Variants in EPS8 observed in about 807,000 individuals in gnomAD.
EPS8 encodes the protein EGFR pathway substrate 8, signaling adaptor, also known as epidermal growth factor receptor kinase substrate 8.
EPS8 carries 42 observed loss-of-function variants against 103.8 expected under a neutral mutation model. The observed-to-expected ratio is 0.40, with a 90% CI of 0.32 to 0.52. The LOEUF (loss-of-function observed/expected upper bound fraction) is 0.52. EPS8 is among the 20% of genes least tolerant of loss of function. The probability of loss-of-function intolerance (pLI) is 0.40; values close to 1 mark genes in which losing one functional copy is unlikely to be tolerated. For synonymous variants in EPS8, 344 were observed against 344.6 expected (o/e 1.00, Z 0.02); for missense variants, 969 against 1,005.1 (o/e 0.96, Z 0.49).
Position 15,777,059 on chromosome 12 carries a change from AGAAAAGAT to A in EPS8, c.-22+12094_-22+12101del, listed in dbSNP as rs1430723532. ...CTATTCTACTAACTGCCTGGCAGAG[AGAAAAGAT>A]GAAAATAGCTAGAGATAACAGATAT... On this transcript the variant is annotated intron_variant, in intron 1 of 20. Transcript: ENST00000281172. The surrounding 1 kb of genome is among the most constrained non-coding windows in gnomAD (Gnocchi z 4.7). 2.0e-5 allele frequency among the ~76,000 whole-genome samples: 3 copies of A among 152,226 alleles called. No individual in the cohort carries two copies. Among genetic ancestry groups the A allele is most frequent in the African/African-American group, 7.2e-5 (3 of 41,464 alleles).
chr12:15,764,877 A>G lies in EPS8; in HGVS notation c.-22+24284T>C, dbSNP rs1005124089. ...AATAAAAAAACAAGTAGTATCTACA[A>G]CCATTAAAACTAAACATTATCAATG... On this transcript the variant is annotated intron_variant, in intron 1 of 20. Coordinates refer to ENST00000281172, the MANE Select transcript of EPS8 (RefSeq NM_004447.6). This position sits in a 1 kb window ranked among gnomAD's most constrained non-coding sequence, Gnocchi z 4.1. Among the ~76,000 whole-genome samples, 1 of 152,244 alleles carries G rather than the reference A, an allele frequency of 6.6e-6. No homozygotes were observed. Among genetic ancestry groups the G allele is most frequent in the African/African-American group, 2.4e-5 (1 of 41,468 alleles).
rs1213227361 is a variant in EPS8 at position 15,745,243 on chromosome 12, C to T, written c.-22+43918G>A. ...ATGAGTATAAAAGAACACTTTACAA[C>T]CTAACTGCTTATTATAGACTAAGTT... On this transcript the variant is annotated intron_variant, in intron 1 of 20. Coordinates refer to ENST00000281172, the MANE Select transcript of EPS8 (RefSeq NM_004447.6). The surrounding 1 kb of genome is among the most constrained non-coding windows in gnomAD (Gnocchi z 4.6). Among the ~76,000 whole-genome samples, 2 of 152,170 alleles carry T rather than the reference C, an allele frequency of 1.3e-5. No individual in the cohort carries two copies. Among genetic ancestry groups the T allele is most frequent in the South Asian group, 2.1e-4 (1 of 4,836 alleles).
chr12:15,662,141 C>T (rs761722462), intron 8 of EPS8, 42 bp from the exon 9 acceptor site: 1 of 1,579,488 alleles, frequency 6.3e-7, no homozygotes, highest in South Asian at 1.1e-5. Context: ...CTTTTACTCC[C>T]ACAATACCAA....
chr12:15,712,593 G>A (rs1265620494), intron 1 of EPS8, among the ~76,000 whole-genome samples: 1 of 152,086 alleles, frequency 6.6e-6, no homozygotes, highest in Non-Finnish European at 1.5e-5. Context: ...ATGACCTAAA[G>A]GAAAGAAATC....
chr12:15,777,277 A>AC lies in EPS8; in HGVS notation c.-22+11883_-22+11884insG, dbSNP rs1487745727. On this transcript the variant is annotated intron_variant, in intron 1 of 20. Coordinates refer to ENST00000281172, the MANE Select transcript of EPS8 (RefSeq NM_004447.6). The surrounding 1 kb of genome is among the most constrained non-coding windows in gnomAD (Gnocchi z 4.7). Reference sequence around the variant, plus strand: ...GGTACTTACAAAGCAGAATGAAAAAAAACACACACACACACACAAAACAAA... The same window carrying AC: ...GGTACTTACAAAGCAGAATGAAAAAACAACACACACACACACACAAAACAAA... Among the ~76,000 whole-genome samples the AC allele has an allele frequency of 5.1e-4, 77 of 152,026 alleles. No homozygotes were observed. The East Asian group carries it at 7.2e-3, about 14-fold the overall frequency.
rs370566743 is a variant in EPS8, at chr12:15,621,471, T to G, written c.2356-41A>C. On this transcript the variant is annotated intron_variant, in intron 20 of 20. Transcript: ENST00000281172. The stretch of plus-strand genomic sequence containing the variant: ...TTCAGACAAGATAGTTACTGACTTG[T>G]GCAGGCTGCAGGTCATATCATGAAA... 243 of 1,093,634 alleles carry G rather than the reference T, an allele frequency of 2.2e-4. 1 individual carries two copies. Among genetic ancestry groups the G allele is most frequent in the Non-Finnish European group, 3.1e-4 (225 of 735,580 alleles). The allele number at this position is 1,093,634 out of a possible 1,614,324, so 67.7% of individuals were successfully genotyped here. A position where few individuals can be genotyped will look rare whatever the true frequency, so the allele number is the denominator to read the frequency against.
intron 8 of EPS8, among the ~76,000 whole-genome samples, chr12:15,664,091 T>C (rs897298287): frequency 1.6e-4 from 24 of 149,906 alleles, no homozygotes; most frequent in Admixed American, 6.0e-4. Flanking sequence ...ACTTGTCTTA[T>C]CCTTCCTCTA....
chr12:15,656,439 T>C (rs1395507115), intron 12 of EPS8, among the ~76,000 whole-genome samples: 2 of 152,118 alleles, frequency 1.3e-5, no homozygotes, highest in African/African-American at 4.8e-5. Context: ...TCTTGGACTT[T>C]CATCTTCTAG....
At position 15,781,901 on chromosome 12, in the gene EPS8, G is replaced by A. The variant is rs964450471; in HGVS notation, c.-22+7260C>T. On this transcript the variant is annotated intron_variant, in intron 1 of 20. Coordinates refer to ENST00000281172, the MANE Select transcript of EPS8 (RefSeq NM_004447.6). The surrounding 1 kb of genome is among the most constrained non-coding windows in gnomAD (Gnocchi z 4.1). The stretch of plus-strand genomic sequence containing the variant: ...AAGTCTCTCTTCCTTTTCTTACAAA[G>A]CCACCAGTCCCACTCCCATGATAAC... 6.6e-6 allele frequency: 1 copy of A among 152,096 alleles called. No homozygotes were observed. The highest frequency in any genetic ancestry group is 1.5e-5 in the Non-Finnish European group (1 of 68,090). The allele number at this position is 152,096 out of a possible 1,614,324, so 9.4% of individuals were successfully genotyped here.
At position 15,787,655 on chromosome 12, in the gene EPS8, C is replaced by A. The variant is rs1565544377; in HGVS notation, c.-22+1506G>T. On this transcript the variant is annotated intron_variant, in intron 1 of 20. Transcript: ENST00000281172. This position sits in a 1 kb window ranked among gnomAD's most constrained non-coding sequence, Gnocchi z 4.9. ...ATTAAAAGCAAATTATATTTTCCTT[C>A]TTTTTTTTCTGCTATAAAGTGAATG... is the stretch of plus-strand genomic sequence containing the variant. Among the ~76,000 whole-genome samples, 2 of 151,944 alleles carry A rather than the reference C, an allele frequency of 1.3e-5. No individual in the cohort carries two copies. The highest frequency in any genetic ancestry group is 2.9e-5 in the Non-Finnish European group (2 of 67,956).
intron 17 of EPS8, among the ~76,000 whole-genome samples, chr12:15,636,374 T>C (rs1202927190): frequency 6.6e-5 from 10 of 152,250 alleles, no homozygotes. Context: ...TACTTTCTCT[T>C]TTATGTTTAA....
rs372072153 is a variant in EPS8, at chr12:15,770,802, GGTCA to G, written c.-22+18355_-22+18358del. Among the ~76,000 whole-genome samples the G allele has an allele frequency of 7.2e-4, 110 of 152,246 alleles. 3 individuals are homozygous for G. The South Asian group carries it at 0.022, about 30-fold the overall frequency. On this transcript the variant is annotated intron_variant, in intron 1 of 20. Coordinates refer to ENST00000281172, the MANE Select transcript of EPS8 (RefSeq NM_004447.6). Reference sequence around the variant, plus strand: ...TCAATTTAGGCTCAGTAAAAACTGTGGTCAGTATTTTTTTCCTTTTCATATTGAG... The same window carrying G: ...TCAATTTAGGCTCAGTAAAAACTGTGGTATTTTTTTCCTTTTCATATTGAG...
chr12:15,738,874 G>A lies in EPS8; in HGVS notation c.-22+50287C>T, dbSNP rs192845636. ...CAGATTAAATCATTAAGCGTGCCACGTTAAACAGTCCATGGTGGAGCTAAA... is the reference window on the plus strand; with the variant it reads ...CAGATTAAATCATTAAGCGTGCCACATTAAACAGTCCATGGTGGAGCTAAA... On this transcript the variant is annotated intron_variant, in intron 1 of 20. Transcript: ENST00000281172. The surrounding 1 kb of genome is among the most constrained non-coding windows in gnomAD (Gnocchi z 6.2). 6.6e-5 allele frequency among the ~76,000 whole-genome samples: 10 copies of A among 152,234 alleles called. No individual in the cohort carries two copies. The East Asian group carries it at 7.7e-4, about 12-fold the overall frequency.
Position 15,747,375 on chromosome 12 carries a change from C to T in EPS8, c.-22+41786G>A, listed in dbSNP as rs939152869. On this transcript the variant is annotated intron_variant, in intron 1 of 20. Transcript: ENST00000281172. The surrounding 1 kb of genome is among the most constrained non-coding windows in gnomAD (Gnocchi z 4.4). The stretch of plus-strand genomic sequence containing the variant: ...TATCAGAAAGTGCTTAATCTTAGTA[C>T]ATTAACAAACTTACTCCATTTCCTA... 2.0e-5 allele frequency among the ~76,000 whole-genome samples: 3 copies of T among 152,146 alleles called. No individual in the cohort carries two copies. Among genetic ancestry groups the T allele is most frequent in the Admixed American group, 6.5e-5 (1 of 15,282 alleles).
At chr12:15,639,252 A>T (rs746363074) in intron 17 of EPS8, among the ~76,000 whole-genome samples, 15 of 152,212 alleles carry the variant, frequency 9.9e-5, no homozygotes, top group Non-Finnish European at 1.9e-4. Flanking sequence ...TCAAGCATAT[A>T]CTACCTCTAT....
Position 15,721,486 on chromosome 12 carries a change from G to A in EPS8, c.-21-38514C>T, listed in dbSNP as rs766987555. 1.1e-4 allele frequency among the ~76,000 whole-genome samples: 17 copies of A among 152,114 alleles called. No homozygotes were observed. Among genetic ancestry groups the A allele is most frequent in the East Asian group, 1.9e-4 (1 of 5,194 alleles). On this transcript the variant is annotated intron_variant, in intron 1 of 20. Coordinates refer to ENST00000281172, the MANE Select transcript of EPS8 (RefSeq NM_004447.6). The surrounding 1 kb of genome is among the most constrained non-coding windows in gnomAD (Gnocchi z 4.4). Reference sequence around the variant, plus strand: ...TGTGGGGCTCAACAAAAAAGTAATCGTCTGGAAGCAGCCGGTTCTGTGAAC... The same window carrying A: ...TGTGGGGCTCAACAAAAAAGTAATCATCTGGAAGCAGCCGGTTCTGTGAAC...
chr12:15,766,883 T>G (rs1210044365), intron 1 of EPS8, among the ~76,000 whole-genome samples: 1 of 152,184 alleles, frequency 6.6e-6, no homozygotes, highest in Non-Finnish European at 1.5e-5. Flanking sequence ...CAAAAGGAAT[T>G]AGTCTAAATT....
chr12:15,691,754 T>C (rs1484274036), intron 1 of EPS8, among the ~76,000 whole-genome samples: 1 of 152,156 alleles, frequency 6.6e-6, no homozygotes, highest in African/African-American at 2.4e-5. Flanking sequence ...AAATTCAGTG[T>C]TTACTTATTG....
chr12:15,694,185 T>C (rs1303796059), intron 1 of EPS8, among the ~76,000 whole-genome samples: 2 of 152,174 alleles, frequency 1.3e-5, no homozygotes, highest in Non-Finnish European at 2.9e-5. Flanking sequence ...AAGTCACCTC[T>C]AATGTGAACT....
Sources: gnomAD v4.1 joint callset for allele counts (sites outside exome capture counted in the v4.1 genomes callset) on GRCh38, gnomAD v4.1.1 for gene constraint, Gnocchi (gnomAD v3.1) non-coding constraint, MANE v1.5 for transcripts, NCBI Gene and HGNC (gene_info 2026-07-23, HGNC 2026-07-21) for gene names.